PHACTR4: variants seen among roughly 807,000 people sequenced by gnomAD.
The protein encoded by PHACTR4 is protein phosphatase 1, regulatory subunit 124.
In PHACTR4, 51 loss-of-function variants were observed where a neutral mutation model predicts 72.7. That is an observed-to-expected ratio of 0.70 (90% CI 0.56 to 0.89). The LOEUF (loss-of-function observed/expected upper bound fraction) is 0.89, where lower values mean the gene tolerates loss of function less well. Among genes scored for constraint, PHACTR4 ranks in the 40% least tolerant of loss-of-function variants. PHACTR4 has a pLI of 0.00. For synonymous variants in PHACTR4, 255 were observed against 302.5 expected (o/e 0.84, Z 1.63); for missense variants, 731 against 861.8 (o/e 0.85, Z 1.90).
At chr1:28,455,590 T>C (rs1245955663) in intron 2 of PHACTR4, among the ~76,000 whole-genome samples, 1 of 152,166 alleles carries the variant, frequency 6.6e-6, no homozygotes, top group East Asian at 1.9e-4. Flanking sequence ...CAGATAATAA[T>C]CTGGTATTGG....
Position 28,466,754 on chromosome 1 carries a change from G to T in PHACTR4, c.809G>T (p.Ser270Ile), listed in dbSNP as rs1659201081. ...IPPPKPAHRN[S>I]NPVIAELSQA... ...CCCCCTAAACCAGCTCACAGAAATA[G>T]CAACCCTGTCATTGGTAAGTAAGTC... Residue 270 changes from serine to isoleucine, a missense_variant, in exon 6 of 14, where the codon AGC (serine) becomes ATC (isoleucine). Ser to Ile is a moderately radical substitution (Grantham distance 142, BLOSUM62 -2). Transcript: ENST00000373839. 1 of 1,610,316 alleles carries T rather than the reference G, an allele frequency of 6.2e-7. No homozygotes were observed. The highest frequency in any genetic ancestry group is 1.7e-5 in the Admixed American group (1 of 59,766).
Position 28,474,055 on chromosome 1 carries a change from A to T in PHACTR4, c.1325A>T (p.His442Leu), listed in dbSNP as rs781595637. ...ATTCTGGAGGGTTCTCACAGAGCTC[A>T]TTCGTTGCTTTTTGAAAACAGTGAC... is the stretch of plus-strand genomic sequence containing the variant. ...TPILEGSHRA[H>L]SLLFENSDSF... Residue 442 changes from histidine (H) to leucine (L), a missense_variant, in exon 7 of 14, where the codon CAT becomes CTT. Around this residue, in one of 2 missense-constraint regions of PHACTR4, gnomAD observed 621 missense variants for 676.6 expected, o/e 0.92. Coordinates refer to ENST00000373839, the MANE Select transcript of PHACTR4 (RefSeq NM_001048183.3). 2 of 1,614,066 alleles carry T rather than the reference A, an allele frequency of 1.2e-6. No homozygotes were observed. Among genetic ancestry groups the T allele is most frequent in the Non-Finnish European group, 1.7e-6 (2 of 1,179,922 alleles).
chr1:28,488,277 C>A (rs1660828529), intron 9 of PHACTR4, among the ~76,000 whole-genome samples: 1 of 150,868 alleles, frequency 6.6e-6, no homozygotes, highest in African/African-American at 2.4e-5. Context: ...GCAGGCGGAT[C>A]ACAAGGTCAG....
chr1:28,410,834 G>A (rs1322644509), intron 2 of PHACTR4, among the ~76,000 whole-genome samples: 1 of 152,030 alleles, frequency 6.6e-6, no homozygotes, highest in Non-Finnish European at 1.5e-5. Context: ...AGCCTCCTGA[G>A]TAGCTGGGAT....
rs577661704 is a variant in PHACTR4 at position 28,455,999 on chromosome 1, AT to A, written c.17-3078del. Among the ~76,000 whole-genome samples, 26 of 151,812 alleles carry A rather than the reference AT, an allele frequency of 1.7e-4. No individual in the cohort carries two copies. In the East Asian group the frequency reaches 2.1e-3, roughly 12 times the overall value. On this transcript the variant is annotated intron_variant, in intron 2 of 13. Coordinates refer to ENST00000373839, the MANE Select transcript of PHACTR4 (RefSeq NM_001048183.3). ...TCTGTTTTTTGTATTCAGTGGCTTT[AT>A]TTTTTTTATACATATTTTGCTTATG...
chr1:28,496,082 A>G (rs1190258386), intron 13 of PHACTR4, among the ~76,000 whole-genome samples: 2 of 87,856 alleles, frequency 2.3e-5, no homozygotes, highest in East Asian at 3.7e-4. Context: ...TTTGAGACGG[A>G]GTCTCGCTGT....
intron 2 of PHACTR4, among the ~76,000 whole-genome samples, chr1:28,421,339 T>C (rs566048064): frequency 1.4e-4 from 22 of 152,264 alleles, no homozygotes; most frequent in Non-Finnish European, 2.8e-4. Context: ...ATGGACCATC[T>C]TGTAGATGGT....
intron 1 of PHACTR4, among the ~76,000 whole-genome samples, chr1:28,398,971 G>A (rs1026227817): frequency 6.6e-6 from 1 of 152,116 alleles, no homozygotes; most frequent in Non-Finnish European, 1.5e-5. Context: ...AGGTATTCCG[G>A]AAGACACGTT....
chr1:28,466,765 A>T lies in PHACTR4; in HGVS notation c.820A>T (p.Ile274Phe). 1 of 1,608,500 alleles carries T rather than the reference A, an allele frequency of 6.2e-7. No individual in the cohort carries two copies. The highest frequency in any genetic ancestry group is 8.5e-7 in the Non-Finnish European group (1 of 1,176,342). ...KPAHRNSNPV[I>F]AELSQAINSG... is the part of the protein sequence containing the mutation. ...AGCTCACAGAAATAGCAACCCTGTC[A>T]TTGGTAAGTAAGTCTTTAGGCTTCC... The change falls in exon 6 of 14, where the codon ATT becomes TTT. Residue 274 changes from isoleucine (I) to phenylalanine (F), a missense_variant. Physicochemically the swap from Ile to Phe is conservative, Grantham distance 21 (BLOSUM62 0). Transcript: ENST00000373839.
intron 1 of PHACTR4, among the ~76,000 whole-genome samples, chr1:28,405,150 A>G (rs915658074): frequency 3.3e-5 from 5 of 152,132 alleles, no homozygotes; most frequent in African/African-American, 9.7e-5. Flanking sequence ...AAATGTTTAT[A>G]TACATCCTTT....
At chr1:28,462,245 G>A (rs1658865583) in intron 4 of PHACTR4, among the ~76,000 whole-genome samples, 1 of 151,994 alleles carries the variant, frequency 6.6e-6, no homozygotes, top group Non-Finnish European at 1.5e-5. Context: ...CTGACCTCAA[G>A]TGATCCAGCC....
intron 4 of PHACTR4, among the ~76,000 whole-genome samples, chr1:28,461,849 C>CTT (rs142600648): frequency 9.0e-5 from 13 of 144,288 alleles, no homozygotes; most frequent in African/African-American, 2.9e-4. Flanking sequence ...TGTTTTCTTT[C>CTT]TTTCTTTTTT....
chr1:28,395,546 A>G (rs1175066417), intron 1 of PHACTR4, among the ~76,000 whole-genome samples: 1 of 152,102 alleles, frequency 6.6e-6, no homozygotes, highest in Non-Finnish European at 1.5e-5. Context: ...TTTTTCTTCA[A>G]AGAAGAAAGT....
intron 2 of PHACTR4, among the ~76,000 whole-genome samples, chr1:28,440,837 A>G (rs922849410): frequency 3.3e-5 from 5 of 152,168 alleles, no homozygotes; most frequent in Non-Finnish European, 7.4e-5. Flanking sequence ...CAGTTTCTTA[A>G]TTTAATTTTC....
At chr1:28,374,557 G>A (rs745583166) in intron 1 of PHACTR4, among the ~76,000 whole-genome samples, 1 of 151,488 alleles carries the variant, frequency 6.6e-6, no homozygotes, top group Non-Finnish European at 1.5e-5. Flanking sequence ...ACTGGTAGTA[G>A]CCTGTTTGAA....
At chr1:28,439,859 G>GTC (rs1470841829) in intron 2 of PHACTR4, among the ~76,000 whole-genome samples, 2 of 152,154 alleles carry the variant, frequency 1.3e-5, no homozygotes, top group East Asian at 3.8e-4. Flanking sequence ...TTGTTAGCAA[G>GTC]TATAGTAAGG....
chr1:28,448,612 AT>A (rs1449004255), intron 2 of PHACTR4, among the ~76,000 whole-genome samples: 8 of 138,062 alleles, frequency 5.8e-5, no homozygotes, highest in Non-Finnish European at 1.1e-4. Flanking sequence ...AAAAAAAAAA[AT>A]TAGCTGGGCA....
chr1:28,400,006 C>CA (rs1653821871), intron 1 of PHACTR4, among the ~76,000 whole-genome samples: 1 of 152,098 alleles, frequency 6.6e-6, no homozygotes, highest in Non-Finnish European at 1.5e-5. Flanking sequence ...ACAGAGTGAG[C>CA]AAGAGAAGTA....
At chr1:28,479,904 A>G (rs1557843874) in intron 8 of PHACTR4, among the ~76,000 whole-genome samples, 1 of 152,224 alleles carries the variant, frequency 6.6e-6, no homozygotes, top group East Asian at 1.9e-4. Flanking sequence ...CAAACAAACA[A>G]ACAAACAAAA....
Sources: allele counts gnomAD v4.1 joint callset (sites outside exome capture counted in the v4.1 genomes callset), GRCh38; gene constraint gnomAD v4.1.1; regional missense constraint gnomAD v4.1.1; transcripts MANE v1.5; gene names NCBI Gene and HGNC (gene_info 2026-07-23, HGNC 2026-07-21).